The following LRRFIP2 variants were observed in gnomAD, a reference collection of about 807,000 sequenced individuals.
LRRFIP2 encodes leucine-rich repeat flightless-interacting protein 2.
A neutral mutation model predicts 125.9 loss-of-function variants in LRRFIP2; 109 were observed. That is an observed-to-expected ratio of 0.87 (90% confidence interval 0.74 to 1.01). The LOEUF (loss-of-function observed/expected upper bound fraction) is 1.01. Ranked by LOEUF, LRRFIP2 falls within the 50% of genes least tolerant of loss-of-function variation. The pLI, the probability that LRRFIP2 is intolerant of heterozygous loss-of-function variation, is 0.00. For missense variants in LRRFIP2, 850 were observed against 862.3 expected (o/e 0.99, Z 0.18); for synonymous variants, 291 against 293.1 (o/e 0.99, Z 0.07).
chr3:37,165,529 G>T (rs912788286), intron 1 of LRRFIP2, among the ~76,000 whole-genome samples: 1 of 152,090 alleles, frequency 6.6e-6, no homozygotes, highest in African/African-American at 2.4e-5. Flanking sequence ...GGCCAAGGCA[G>T]GCGGATCACC....
intron 19 of LRRFIP2, among the ~76,000 whole-genome samples, chr3:37,079,947 G>T (rs181147145): frequency 3.9e-4 from 59 of 152,248 alleles, no homozygotes; most frequent in African/African-American, 1.4e-3. Context: ...TGATACTAAA[G>T]GGTATATGGT....
At chr3:37,061,518 G>C (rs1393590226) in intron 24 of LRRFIP2, among the ~76,000 whole-genome samples, 2 of 150,848 alleles carry the variant, frequency 1.3e-5, no homozygotes, top group Admixed American at 1.3e-4. Flanking sequence ...AGCTTCCCAA[G>C]TAGCTGGGAC....
intron 19 of LRRFIP2, among the ~76,000 whole-genome samples, chr3:37,079,441 A>G (rs2092430823): frequency 6.6e-6 from 1 of 152,214 alleles, no homozygotes; most frequent in Non-Finnish European, 1.5e-5. Flanking sequence ...ATACTTAAGA[A>G]AAAGGAAAGC....
chr3:37,104,121 C>T (rs1050724036), intron 14 of LRRFIP2, among the ~76,000 whole-genome samples: 4 of 151,766 alleles, frequency 2.6e-5, no homozygotes, highest in Non-Finnish European at 5.9e-5. Context: ...TTTTTATTCA[C>T]AATAATAATA....
At chr3:37,054,065 G>C in intron 27 of LRRFIP2, 104 bp from the exon 28 acceptor site, 1 of 756,352 alleles carries the variant, frequency 1.3e-6, no homozygotes, top group South Asian at 1.5e-5. Context: ...AACTGTGATG[G>C]CCTTGCACAG....
At chr3:37,082,101 T>A (rs1332111409) in intron 19 of LRRFIP2, among the ~76,000 whole-genome samples, 1 of 152,096 alleles carries the variant, frequency 6.6e-6, no homozygotes, top group East Asian at 1.9e-4. Flanking sequence ...ATACTTAGCA[T>A]GAGATTTTTA....
chr3:37,078,747 C>T (rs2092362295), intron 19 of LRRFIP2, among the ~76,000 whole-genome samples: 1 of 152,190 alleles, frequency 6.6e-6, no homozygotes, highest in Non-Finnish European at 1.5e-5. Flanking sequence ...GGACAAATGG[C>T]TGATTCCAGG....
At chr3:37,167,930 C>T (rs1191209655) in intron 1 of LRRFIP2, among the ~76,000 whole-genome samples, 1 of 152,036 alleles carries the variant, frequency 6.6e-6, no homozygotes, top group Non-Finnish European at 1.5e-5. Context: ...GAGCTGTGGT[C>T]GGGCCATTGC....
At chr3:37,079,634 G>A (rs1281277168) in intron 19 of LRRFIP2, among the ~76,000 whole-genome samples, 1 of 152,072 alleles carries the variant, frequency 6.6e-6, no homozygotes, top group Non-Finnish European at 1.5e-5. Flanking sequence ...AAATGTTTAT[G>A]GAAGCATTAT....
At chr3:37,096,484 A>G (rs1221447639) in intron 16 of LRRFIP2, 132 bp downstream of exon 16, 7 of 631,570 alleles carry the variant, frequency 1.1e-5, no homozygotes, top group Admixed American at 3.4e-5. Context: ...TTGGAGGGTC[A>G]AGGACAGGAA....
rs773199832 is a variant in LRRFIP2, at chr3:37,055,080, A to T, written c.1950+6T>A. ...AAATAACTTAGTACCATATAGAAGTACTTACACTTTGCTCCAAGGTAGTTA... is the reference window on the plus strand; with the variant it reads ...AAATAACTTAGTACCATATAGAAGTTCTTACACTTTGCTCCAAGGTAGTTA... On this transcript the variant is annotated splice_donor_region_variant and intron_variant, in intron 26 of 27. Coordinates refer to ENST00000336686, the MANE Select transcript of LRRFIP2 (RefSeq NM_006309.4). 2.5e-6 allele frequency: 4 copies of T among 1,571,232 alleles called. No homozygotes were observed. Among genetic ancestry groups the T allele is most frequent in the African/African-American group, 1.4e-5 (1 of 73,130 alleles).
intron 1 of LRRFIP2, among the ~76,000 whole-genome samples, chr3:37,167,195 TC>T (rs140769866): frequency 0.44 from 48,740 of 110,830 alleles, 9,566 homozygotes; most frequent in Non-Finnish European, 0.48. Context: ...AAATCTTGTC[TC>T]CAAAAAAAAA....
chr3:37,080,562 G>A (rs1482522192), intron 19 of LRRFIP2, among the ~76,000 whole-genome samples: 1 of 151,976 alleles, frequency 6.6e-6, no homozygotes, highest in Non-Finnish European at 1.5e-5. Flanking sequence ...GCCTCCTGAA[G>A]GAAGACAACT....
chr3:37,059,526 C>T (rs1223853581), intron 24 of LRRFIP2, among the ~76,000 whole-genome samples: 4 of 152,084 alleles, frequency 2.6e-5, no homozygotes, highest in Admixed American at 1.3e-4. Context: ...CGGTGGCTCA[C>T]GCCTGTAATC....
intron 1 of LRRFIP2, among the ~76,000 whole-genome samples, chr3:37,150,598 G>C (rs1477995394): frequency 6.6e-6 from 1 of 152,156 alleles, no homozygotes; most frequent in Non-Finnish European, 1.5e-5. Flanking sequence ...CCTTTGGTTA[G>C]ATGGTATTTG....
At chr3:37,125,520 T>C (rs951339901) in intron 4 of LRRFIP2, among the ~76,000 whole-genome samples, 9 of 152,198 alleles carry the variant, frequency 5.9e-5, no homozygotes, top group African/African-American at 2.2e-4. Context: ...ATGCAAGTTA[T>C]TTACTTCACC....
intron 1 of LRRFIP2, among the ~76,000 whole-genome samples, chr3:37,149,758 G>C (rs1577542091): frequency 6.6e-6 from 1 of 151,362 alleles, no homozygotes; most frequent in African/African-American, 2.4e-5. Context: ...CCCAGCACTT[G>C]GGGAGGCTGA....
intron 2 of LRRFIP2, among the ~76,000 whole-genome samples, chr3:37,143,301 T>G (rs1212156515): frequency 6.6e-6 from 1 of 152,244 alleles, no homozygotes; most frequent in Non-Finnish European, 1.5e-5. Context: ...GTCTTTATGT[T>G]GAATTCTCCA....
At chr3:37,069,292 A>G (rs1266098369) in intron 21 of LRRFIP2, among the ~76,000 whole-genome samples, 1 of 152,228 alleles carries the variant, frequency 6.6e-6, no homozygotes, top group African/African-American at 2.4e-5. Flanking sequence ...TTGAATACCC[A>G]TGTTCACAGC....
Sources: allele counts gnomAD v4.1 joint callset (sites outside exome capture counted in the v4.1 genomes callset), GRCh38; gene constraint gnomAD v4.1.1; transcripts MANE v1.5; gene names NCBI Gene and HGNC (gene_info 2026-07-23, HGNC 2026-07-21).